Variants in HTR4 observed in about 807,000 individuals in gnomAD.
HTR4 encodes 5-hydroxytryptamine (serotonin) receptor 4, G protein-coupled.
In HTR4, 16 loss-of-function variants were observed where a neutral mutation model predicts 36.8. The ratio of observed to expected loss-of-function variants is 0.43; its 90% CI spans 0.29 to 0.66. HTR4 has a LOEUF of 0.66. Among genes scored for constraint, HTR4 ranks in the 30% least tolerant of loss-of-function variants. The pLI is 0.13. For synonymous variants in HTR4, 189 were observed against 185.1 expected, an observed-to-expected ratio of 1.02 and a Z score of -0.17; for missense variants, 438 against 490.9, an observed-to-expected ratio of 0.89 and a Z score of 1.02.
chr5:148,557,276 G>A (rs1369230580), intron 2 of HTR4, among the ~76,000 whole-genome samples: 1 of 151,982 alleles, frequency 6.6e-6, no homozygotes, highest in African/African-American at 2.4e-5. Context: ...GAGAGAAGTG[G>A]GTGGAATAAA....
chr5:148,630,797 T>C (rs1313157381), intron 2 of HTR4, among the ~76,000 whole-genome samples: 2 of 152,168 alleles, frequency 1.3e-5, no homozygotes, highest in Non-Finnish European at 2.9e-5. Flanking sequence ...GAAGATTACC[T>C]GTAATCTTAA....
At chr5:148,503,329 G>A (rs1197270736) in intron 6 of HTR4, among the ~76,000 whole-genome samples, 1 of 152,156 alleles carries the variant, frequency 6.6e-6, no homozygotes, top group Non-Finnish European at 1.5e-5. Context: ...GAGGGTGGGG[G>A]CCAATATTCA....
intron 2 of HTR4, among the ~76,000 whole-genome samples, chr5:148,557,820 T>C (rs541666218): frequency 6.7e-6 from 1 of 149,824 alleles, no homozygotes; most frequent in Non-Finnish European, 1.5e-5. Context: ...ATATTCTTGA[T>C]ACTTCCCTGG....
chr5:148,500,481 A>G (rs1275503395), intron 6 of HTR4, among the ~76,000 whole-genome samples: 1 of 152,016 alleles, frequency 6.6e-6, no homozygotes, highest in African/African-American at 2.4e-5. Context: ...AAGTATTTTA[A>G]GAAGGAAGCT....
chr5:148,496,973 A>G (rs939211711), intron 6 of HTR4, among the ~76,000 whole-genome samples: 2 of 152,206 alleles, frequency 1.3e-5, no homozygotes, highest in Admixed American at 1.3e-4. Context: ...AGAATCTGCA[A>G]ACCTGGAGTT....
intron 6 of HTR4, among the ~76,000 whole-genome samples, chr5:148,500,622 GA>G (rs1195544482): frequency 6.6e-6 from 1 of 151,478 alleles, no homozygotes; most frequent in African/African-American, 2.4e-5. Context: ...GACACCAGAT[GA>G]ATATACAGAA....
intron 5 of HTR4, among the ~76,000 whole-genome samples, chr5:148,452,221 A>G (rs1307447839): frequency 1.3e-5 from 2 of 152,244 alleles, no homozygotes; most frequent in African/African-American, 4.8e-5. Context: ...ATTGCCTATT[A>G]GATAGTATCA....
intron 4 of HTR4, among the ~76,000 whole-genome samples, chr5:148,547,566 T>TAAAATA (rs368015401): frequency 1.6e-4 from 18 of 113,304 alleles, no homozygotes; most frequent in East Asian, 5.0e-4. Context: ...TAAAATAAAA[T>TAAAATA]AAATAAATAA....
intron 2 of HTR4, among the ~76,000 whole-genome samples, chr5:148,556,391 T>C (rs1357867122): frequency 2.6e-5 from 4 of 152,216 alleles, no homozygotes; most frequent in Non-Finnish European, 5.9e-5. Flanking sequence ...CTTCAAAAAA[T>C]TCACTTGACT....
Position 148,550,188 on chromosome 5 carries a change from A to G in HTR4, c.101T>C (p.Ile34Thr). ...CACCATCACCAGCAGGTTCCCCAAGATGGCCATCAGGATAACCGTCGAGAG... is the reference window on the plus strand; with the variant it reads ...CACCATCACCAGCAGGTTCCCCAAGGTGGCCATCAGGATAACCGTCGAGAG... ...TFLSTVILMA[I>T]LGNLLVMVAV... Residue 34 changes from isoleucine to threonine, a missense_variant, in exon 3 of 7, where the codon ATC becomes ACC. Transcript: ENST00000377888. The G allele has an allele frequency of 1.2e-6, 2 of 1,614,126 alleles. No individual in the cohort carries two copies. Among genetic ancestry groups the G allele is most frequent in the African/African-American group, 1.3e-5 (1 of 75,042 alleles).
chr5:148,527,867 G>T (rs1208318720), intron 4 of HTR4, among the ~76,000 whole-genome samples: 1 of 152,156 alleles, frequency 6.6e-6, no homozygotes, highest in Admixed American at 6.5e-5. Flanking sequence ...ACCCGCCTTA[G>T]TCTCCCAAAG....
At chr5:148,483,540 T>C (rs1158371151) in intron 6 of HTR4, among the ~76,000 whole-genome samples, 5 of 152,226 alleles carry the variant, frequency 3.3e-5, no homozygotes, top group African/African-American at 7.2e-5. Flanking sequence ...GATGGACCTA[T>C]TACGCCTATC....
Position 148,482,966 on chromosome 5 carries a change from G to A in HTR4, c.*237C>T. The A allele has an allele frequency of 7.2e-7, 1 of 1,391,880 alleles. No homozygotes were observed. The highest frequency in any genetic ancestry group is 3.0e-5 in the Admixed American group (1 of 33,676). 86.2% of individuals were successfully genotyped at this position (1,391,880 alleles called of 1,614,324 possible). A position where few individuals can be genotyped will look rare whatever the true frequency, so the allele number is the denominator to read the frequency against. On this transcript the variant is annotated 3_prime_UTR_variant, in exon 7 of 7. Coordinates refer to ENST00000377888, the MANE Select transcript of HTR4 (RefSeq NM_000870.7). ...CACGCGGCAAAAGCAGAGAATCTGG[G>A]AAGAGGGAGTGTTGGGAAATAAAAA...
Position 148,654,247 on chromosome 5 carries a change from G to T in HTR4, c.-233C>A. On this transcript the variant is annotated 5_prime_UTR_variant, in exon 1 of 7. Coordinates refer to ENST00000377888, the MANE Select transcript of HTR4 (RefSeq NM_000870.7). The stretch of plus-strand genomic sequence containing the variant: ...GGGAGCCGGCGAGCGTGAGGCGCGG[G>T]CCAGGGGCTGCGGGCGCAGGACCCC... 1 of 985,272 alleles carries T rather than the reference G, an allele frequency of 1.0e-6. No individual in the cohort carries two copies. Among genetic ancestry groups the T allele is most frequent in the Non-Finnish European group, 1.2e-6 (1 of 829,882 alleles). 61.0% of individuals were successfully genotyped at this position (985,272 alleles called of 1,614,324 possible). A position where few individuals can be genotyped will look rare whatever the true frequency, so the allele number is the denominator to read the frequency against.
At chr5:148,461,146 A>G (rs999842733) in intron 5 of HTR4, among the ~76,000 whole-genome samples, 2 of 152,110 alleles carry the variant, frequency 1.3e-5, no homozygotes, top group Non-Finnish European at 2.9e-5. Context: ...TAGAAAAGAT[A>G]GAAAATAGAA....
chr5:148,579,370 G>T (rs1030083893), intron 2 of HTR4, among the ~76,000 whole-genome samples: 1 of 151,864 alleles, frequency 6.6e-6, no homozygotes, highest in African/African-American at 2.4e-5. Flanking sequence ...ATCAAATTTT[G>T]GATTTGCGTA....
At chr5:148,626,251 G>A (rs1347981595) in intron 2 of HTR4, among the ~76,000 whole-genome samples, 5 of 152,192 alleles carry the variant, frequency 3.3e-5, no homozygotes, top group Non-Finnish European at 5.9e-5. Context: ...TCAGTGGTGC[G>A]ATGATAAAAT....
chr5:148,591,377 T>C (rs1266847064), intron 2 of HTR4, among the ~76,000 whole-genome samples: 6 of 152,184 alleles, frequency 3.9e-5, no homozygotes, highest in Non-Finnish European at 7.4e-5. Context: ...GAATTGTCAT[T>C]AGTAATTTGA....
intron 6 of HTR4, among the ~76,000 whole-genome samples, chr5:148,498,304 T>C (rs577417415): frequency 7.2e-5 from 11 of 152,268 alleles, no homozygotes; most frequent in South Asian, 6.2e-4. Flanking sequence ...GGCCCCACAA[T>C]ATCAGAGTGT....
Sources: allele counts gnomAD v4.1 joint callset (sites outside exome capture counted in the v4.1 genomes callset), GRCh38; gene constraint gnomAD v4.1.1; transcripts MANE v1.5; gene names NCBI Gene and HGNC (gene_info 2026-07-23, HGNC 2026-07-21).